Variants in ST3GAL1 observed in about 807,000 individuals in gnomAD.
ST3GAL1 encodes CMP-N-acetylneuraminate-beta-galactosamide-alpha-2,3-sialyltransferase 1.
In ST3GAL1, 16 loss-of-function variants were observed where a neutral mutation model predicts 34.1. The observed-to-expected ratio is 0.47, with a 90% CI of 0.32 to 0.71. The LOEUF is 0.71. ST3GAL1 is among the 30% of genes least tolerant of loss of function. The probability of loss-of-function intolerance (pLI) is 0.04; values close to 1 mark genes in which losing one functional copy is unlikely to be tolerated. For synonymous variants in ST3GAL1, 191 were observed against 184.7 expected (o/e 1.03, Z -0.28); for missense variants, 353 against 447.4 (o/e 0.79, Z 1.90).
chr8:133,493,122 G>C (rs1447062603), intron 3 of ST3GAL1, among the ~76,000 whole-genome samples: 1 of 152,196 alleles, frequency 6.6e-6, no homozygotes, highest in African/African-American at 2.4e-5. Flanking sequence ...AGTCCTTTCC[G>C]GGACCTCCCA....
chr8:133,475,849 C>A lies in ST3GAL1; in HGVS notation c.176G>T (p.Cys59Phe). ...CTGCCCGATGCAGTGGGTGCAGGTGCAAGGCCTGTGCTTGATCAGTCTCTT... is the reference window on the plus strand; with the variant it reads ...CTGCCCGATGCAGTGGGTGCAGGTGAAAGGCCTGTGCTTGATCAGTCTCTT... The part of the protein sequence containing the change: ...NLKRLIKHRP[C>F]TCTHCIGQRK... The change falls in exon 5 of 10, where the codon TGC (cysteine) becomes TTC (phenylalanine). Residue 59 changes from cysteine to phenylalanine, a missense_variant. By Grantham distance (205) the Cys-to-Phe change is radical (BLOSUM62 -2). Transcript: ENST00000522652. The A allele has an allele frequency of 6.2e-7, 1 of 1,614,136 alleles. No homozygotes were observed. The highest frequency in any genetic ancestry group is 8.5e-7 in the Non-Finnish European group (1 of 1,180,032).
intron 1 of ST3GAL1, among the ~76,000 whole-genome samples, chr8:133,550,986 C>T (rs1172266695): frequency 6.6e-6 from 1 of 152,208 alleles, no homozygotes; most frequent in African/African-American, 2.4e-5. Context: ...CTTAATAAAT[C>T]ATAGCTTTTC....
intron 2 of ST3GAL1, among the ~76,000 whole-genome samples, chr8:133,541,032 G>T (rs1482388403): frequency 9.1e-6 from 1 of 110,030 alleles, no homozygotes; most frequent in South Asian, 3.0e-4. Flanking sequence ...CATATATATA[G>T]ACATATATAG....
At chr8:133,503,640 G>A (rs553150408) in intron 2 of ST3GAL1, among the ~76,000 whole-genome samples, 3 of 152,160 alleles carry the variant, frequency 2.0e-5, no homozygotes, top group South Asian at 4.1e-4. Context: ...CTTCTGCCTG[G>A]CTTTTACAAA....
rs1027447400 is a variant in ST3GAL1, at chr8:133,508,766, T to C, written c.-428-9577A>G. 1.3e-5 allele frequency among the ~76,000 whole-genome samples: 2 copies of C among 152,110 alleles called. No homozygotes were observed. Among genetic ancestry groups the C allele is most frequent in the Non-Finnish European group, 2.9e-5 (2 of 68,014 alleles). ...CAGGCTCTCTTTGGGATACTGGAGATACAATGAGGAGTGAAATATATAGTC... is the reference window on the plus strand; with the variant it reads ...CAGGCTCTCTTTGGGATACTGGAGACACAATGAGGAGTGAAATATATAGTC... On this transcript the variant is annotated intron_variant, in intron 2 of 9. Coordinates refer to ENST00000522652, the MANE Select transcript of ST3GAL1 (RefSeq NM_173344.3). The surrounding 1 kb of genome is among the most constrained non-coding windows in gnomAD (Gnocchi z 4.1).
intron 2 of ST3GAL1, among the ~76,000 whole-genome samples, chr8:133,524,959 C>A (rs1456142042): frequency 6.6e-6 from 1 of 152,266 alleles, no homozygotes; most frequent in Non-Finnish European, 1.5e-5. Flanking sequence ...CAACGGGCCA[C>A]AGCTCTTCTC....
chr8:133,503,701 T>C (rs1817252518), intron 2 of ST3GAL1, among the ~76,000 whole-genome samples: 1 of 152,234 alleles, frequency 6.6e-6, no homozygotes, highest in Non-Finnish European at 1.5e-5. Flanking sequence ...ACAAGGACTT[T>C]CCTGAATATC....
In ST3GAL1 at chr8:133,508,378, G is replaced by C. The variant is rs1817405050; in HGVS notation, c.-428-9189C>G. On this transcript the variant is annotated intron_variant, in intron 2 of 9. Transcript: ENST00000522652. This position sits in a 1 kb window ranked among gnomAD's most constrained non-coding sequence, Gnocchi z 4.1. ...GCCTCATGGTACAGTTTGTGCTCTG[G>C]GGTTGGCCGTGGGATCAGGCTGAAG... 6.6e-6 allele frequency among the ~76,000 whole-genome samples: 1 copy of C among 152,118 alleles called. No homozygotes were observed. Among genetic ancestry groups the C allele is most frequent in the Non-Finnish European group, 1.5e-5 (1 of 68,026 alleles).
At position 133,483,686 on chromosome 8, in the gene ST3GAL1, G is replaced by A. The variant is rs181183880; in HGVS notation, c.-373-7086C>T. Among the ~76,000 whole-genome samples, 8 of 152,216 alleles carry A rather than the reference G, an allele frequency of 5.3e-5. No homozygotes were observed. In the East Asian group the frequency reaches 5.8e-4, roughly 11 times the overall value. On this transcript the variant is annotated intron_variant, in intron 3 of 9. Transcript: ENST00000522652. ...CTAAATCTTCATGCTTTCTACTCCC[G>A]TGGCCAAGACCTCCCAGGACCTGCA... is the stretch of plus-strand genomic sequence containing the variant.
Position 133,459,646 on chromosome 8 carries a change from GCC to G in ST3GAL1, c.*116_*117del. The G allele has an allele frequency of 7.5e-7, 1 of 1,337,066 alleles. No individual in the cohort carries two copies. The highest frequency in any genetic ancestry group is 1.0e-6 in the Non-Finnish European group (1 of 988,138). 82.8% of individuals were successfully genotyped at this position (1,337,066 alleles called of 1,614,324 possible). A position where few individuals can be genotyped will look rare whatever the true frequency, so the allele number is the denominator to read the frequency against. ...CTGGGTGCAAGAGGCTGTGAGCGGTGCCCAGGCACACACCTGAGGCTGCCCCT... is the reference window on the plus strand; with the variant it reads ...CTGGGTGCAAGAGGCTGTGAGCGGTGCAGGCACACACCTGAGGCTGCCCCT... On this transcript the variant is annotated 3_prime_UTR_variant, in exon 10 of 10. Transcript: ENST00000522652. This position sits in a 1 kb window ranked among gnomAD's most constrained non-coding sequence, Gnocchi z 4.7.
intron 1 of ST3GAL1, among the ~76,000 whole-genome samples, chr8:133,563,509 C>T (rs997416951): frequency 6.6e-6 from 1 of 152,162 alleles, no homozygotes; most frequent in Non-Finnish European, 1.5e-5. Flanking sequence ...GCTAAAGTTC[C>T]AGGTCCCCAA....
chr8:133,562,902 T>C (rs1819289206), intron 1 of ST3GAL1, among the ~76,000 whole-genome samples: 1 of 149,686 alleles, frequency 6.7e-6, no homozygotes, highest in African/African-American at 2.5e-5. Flanking sequence ...AAGGTAAATG[T>C]CCAATTAGAT....
Position 133,462,238 on chromosome 8 carries a change from C to T in ST3GAL1, c.730-244G>A, listed in dbSNP as rs114243630. 0.029 allele frequency among the ~76,000 whole-genome samples: 4,468 copies of T among 152,186 alleles called. 113 individuals carry two copies. The highest frequency in any genetic ancestry group is 0.064 in the African/African-American group (2,673 of 41,506). ...GATGCAGAGGAGGGCCCTACAGGAC[C>T]GTGTGAGGAGGATCACTGAGCTGAC... On this transcript the variant is annotated intron_variant, in intron 8 of 9. Transcript: ENST00000522652.
chr8:133,532,324 T>C (rs1374169091), intron 2 of ST3GAL1, among the ~76,000 whole-genome samples: 2 of 151,874 alleles, frequency 1.3e-5, no homozygotes, highest in Non-Finnish European at 2.9e-5. Context: ...ATACAAAAAT[T>C]AGCCGGGTGC....
At chr8:133,538,312 C>T (rs1406598154) in intron 2 of ST3GAL1, among the ~76,000 whole-genome samples, 13 of 152,148 alleles carry the variant, frequency 8.5e-5, no homozygotes, top group African/African-American at 2.9e-4. Context: ...GTCAGGAGTT[C>T]GAGATCGGCC....
intron 1 of ST3GAL1, among the ~76,000 whole-genome samples, chr8:133,553,149 T>C (rs1406904137): frequency 6.6e-6 from 1 of 152,138 alleles, no homozygotes; most frequent in Non-Finnish European, 1.5e-5. Context: ...CCCCACTGTT[T>C]GCATAAAAAG....
intron 1 of ST3GAL1, among the ~76,000 whole-genome samples, chr8:133,567,962 C>T (rs575263790): frequency 2.7e-5 from 4 of 150,648 alleles, no homozygotes; most frequent in African/African-American, 4.9e-5. Context: ...ACTCTGTCGC[C>T]GAGACTGGAG....
intron 5 of ST3GAL1, among the ~76,000 whole-genome samples, chr8:133,472,237 T>C (rs1204511769): frequency 6.6e-6 from 1 of 152,150 alleles, no homozygotes; most frequent in Admixed American, 6.5e-5. Flanking sequence ...TGTGTCCCTG[T>C]TCCTGCCAGG....
intron 2 of ST3GAL1, among the ~76,000 whole-genome samples, chr8:133,510,858 C>A (rs182743997): frequency 6.6e-6 from 1 of 152,156 alleles, no homozygotes; most frequent in East Asian, 1.9e-4. Flanking sequence ...AGCAGAGACT[C>A]GGAGCAAACT....
Sources: gnomAD v4.1 joint callset for allele counts (sites outside exome capture counted in the v4.1 genomes callset) on GRCh38, gnomAD v4.1.1 for gene constraint, Gnocchi (gnomAD v3.1) non-coding constraint, MANE v1.5 for transcripts, NCBI Gene and HGNC (gene_info 2026-07-23, HGNC 2026-07-21) for gene names.